The following FSIP2 variants were observed in gnomAD, a reference collection of about 807,000 sequenced individuals.
FSIP2 encodes the protein fibrous sheath interacting protein 2.
A neutral mutation model predicts 510.5 loss-of-function variants in FSIP2; 367 were observed. The observed-to-expected ratio is 0.72, with a 90% confidence interval of 0.66 to 0.78. The LOEUF (loss-of-function observed/expected upper bound fraction) is 0.78. FSIP2 is among the 30% of genes least tolerant of loss of function. The pLI is 0.00. For synonymous variants in FSIP2, 2,601 were observed against 2,732.2 expected (o/e 0.95, Z 1.50); for missense variants, 7,594 against 7,901.7 (o/e 0.96, Z 1.48).
intron 19 of FSIP2, 65 bp from the exon 20 acceptor site, chr2:185,824,369 C>A: frequency 9.4e-7 from 1 of 1,067,284 alleles, no homozygotes; most frequent in Non-Finnish European, 1.4e-6. Flanking sequence ...TGTTCTTTTG[C>A]TTAACCAGTA....
chr2:185,830,233 T>C (rs1235146447), intron 21 of FSIP2, among the ~76,000 whole-genome samples: 2 of 151,758 alleles, frequency 1.3e-5, no homozygotes, highest in Non-Finnish European at 2.9e-5. Context: ...CCAAAATGAC[T>C]CAACATACAA....
At chr2:185,830,128 A>AAAAC (rs150204469) in intron 21 of FSIP2, among the ~76,000 whole-genome samples, 1 of 151,916 alleles carries the variant, frequency 6.6e-6, no homozygotes, top group South Asian at 2.1e-4. Context: ...TTACCTACCA[A>AAAAC]AAACAAACAA....
intron 7 of FSIP2, among the ~76,000 whole-genome samples, chr2:185,751,576 TACATTTAGTGCGATTATTA>T: frequency 6.6e-6 from 1 of 151,178 alleles, no homozygotes; most frequent in Admixed American, 6.6e-5. Flanking sequence ...TTGTAGCATT[TACATTTAGTGCGATTATTA>T]ACATGATTAG....
Position 185,805,319 on chromosome 2 carries a change from T to C in FSIP2, c.16013T>C (p.Phe5338Ser). ...IKVLPNAEKM[F>S]SFPPIDKETV... ...GTTTTACCAAATGCTGAAAAAATGT[T>C]TTCTTTTCCACCAATTGATAAAGAG... Residue 5338 changes from phenylalanine (F) to serine (S), a missense_variant, in exon 17 of 23, where the codon TTT becomes TCT. Phe to Ser is a radical substitution (Grantham distance 155). Coordinates refer to ENST00000424728, the MANE Select transcript of FSIP2 (RefSeq NM_173651.4). 1 of 1,597,296 alleles carries C rather than the reference T, an allele frequency of 6.3e-7. No homozygotes were observed.
At chr2:185,739,611 G>C in intron 2 of FSIP2, 140 bp downstream of exon 2, 1 of 740,814 alleles carries the variant, frequency 1.3e-6, no homozygotes, top group Non-Finnish European at 2.0e-6. Flanking sequence ...CTGACCGAAG[G>C]TATTGTTTAG....
Position 185,808,127 on chromosome 2 carries a change from TA to T in FSIP2, c.18823del (p.Met6275TrpfsTer11), listed in dbSNP as rs753955704. 6.2e-7 allele frequency: 1 copy of T among 1,605,854 alleles called. No homozygotes were observed. The highest frequency in any genetic ancestry group is 8.5e-7 in the Non-Finnish European group (1 of 1,177,236). ...TCTTATACTTCTGTATTTAAAGATT[TA>T]ATGGGTAAAAGCAATGTCCTCTCTG... is the stretch of plus-strand genomic sequence containing the variant. ...SGSYTSVFKD[L>X]MGKSNVLSDT... On this transcript the variant is annotated frameshift_variant, in exon 17 of 23. Coordinates refer to ENST00000424728, the MANE Select transcript of FSIP2 (RefSeq NM_173651.4). LOFTEE classifies it high-confidence loss of function.
chr2:185,813,416 T>A (rs1693773991), intron 17 of FSIP2, 129 bp from the exon 18 acceptor site: 4 of 497,936 alleles, frequency 8.0e-6, no homozygotes, highest in Admixed American at 4.0e-5. Context: ...TAATATATAA[T>A]TAAGTGATAT....
rs754761620 is a variant in FSIP2, at chr2:185,805,230, T to A, written c.15924T>A (p.Ile5308=). ...AAAATGAAATGGCAGAGCTAGATAT[T>A]ATGGGCTTGGCTCTAAAACTTGCAA... is the stretch of plus-strand genomic sequence containing the variant. The part of the protein sequence containing the change: ...SKKNEMAELD[I]MGLALKLANS... Residue 5308 remains isoleucine (I), a synonymous_variant, in exon 17 of 23, where the codon ATT becomes ATA. Transcript: ENST00000424728. The A allele has an allele frequency of 2.6e-5, 41 of 1,599,372 alleles. No individual in the cohort carries two copies. Among genetic ancestry groups the A allele is most frequent in the Non-Finnish European group, 3.3e-5 (39 of 1,174,586 alleles).
At chr2:185,768,731 T>C (rs1429895043) in intron 13 of FSIP2, among the ~76,000 whole-genome samples, 2 of 152,156 alleles carry the variant, frequency 1.3e-5, no homozygotes, top group Non-Finnish European at 2.9e-5. Context: ...ATCACTCTGG[T>C]ACTAAGCCTA....
At position 185,805,991 on chromosome 2, in the gene FSIP2, A is replaced by G; in HGVS notation, c.16685A>G (p.Asn5562Ser). Residue 5562 changes from asparagine (N) to serine (S), a missense_variant, in exon 17 of 23, where the codon AAT becomes AGT. Physicochemically the swap from Asn to Ser is conservative, Grantham distance 46. Coordinates refer to ENST00000424728, the MANE Select transcript of FSIP2 (RefSeq NM_173651.4). The stretch of plus-strand genomic sequence containing the variant: ...AATTTGAGTGAAACATTTAATAATA[A>G]TGAAATTGAGAAGAAAAGAAATTTA... ...EPNLSETFNN[N>S]EIEKKRNLIP... is the part of the protein sequence containing the mutation. 2 of 1,559,206 alleles carry G rather than the reference A, an allele frequency of 1.3e-6. No homozygotes were observed. Among genetic ancestry groups the G allele is most frequent in the South Asian group, 2.4e-5 (2 of 81,988 alleles).
chr2:185,745,487 G>C lies in FSIP2; in HGVS notation c.536G>C (p.Cys179Ser). 1 of 1,534,534 alleles carries C rather than the reference G, an allele frequency of 6.5e-7. No homozygotes were observed. The highest frequency in any genetic ancestry group is 1.2e-5 in the South Asian group (1 of 84,012). ...IPENNQIPQH[C>S]DVAQVQNWLL... ...GAAAACAATCAAATCCCTCAACATT[G>C]TGATGTTGCACAAGTCCAAAACTGG... The change falls in exon 5 of 23, where the codon TGT (cysteine) becomes TCT (serine). Residue 179 changes from cysteine to serine, a missense_variant. Coordinates refer to ENST00000424728, the MANE Select transcript of FSIP2 (RefSeq NM_173651.4).
intron 13 of FSIP2, among the ~76,000 whole-genome samples, chr2:185,779,473 GATCT>G (rs1207958101): frequency 4.6e-5 from 7 of 152,026 alleles, no homozygotes; most frequent in African/African-American, 1.4e-4. Flanking sequence ...TTAATTGGGA[GATCT>G]ATCAATCACT....
chr2:185,749,592 G>A (rs1402682857), intron 7 of FSIP2, among the ~76,000 whole-genome samples: 2 of 151,622 alleles, frequency 1.3e-5, no homozygotes, highest in African/African-American at 4.8e-5. Context: ...GTGAATAAAG[G>A]GAGTTTTATT....
rs1693577613 is a variant in FSIP2, at chr2:185,806,369, T to C, written c.17063T>C (p.Val5688Ala). ...GTCATTGAAAATATTTTTGAAGATG[T>C]TTTAGAACTATCTTCTTCTCCAGAA... ...QNVIENIFED[V>A]LELSSSPEPA... The change falls in exon 17 of 23, where the codon GTT becomes GCT. Residue 5688 changes from valine (V) to alanine (A), a missense_variant. Transcript: ENST00000424728. 6.2e-7 allele frequency: 1 copy of C among 1,611,042 alleles called. No individual in the cohort carries two copies. Among genetic ancestry groups the C allele is most frequent in the Non-Finnish European group, 8.5e-7 (1 of 1,178,426 alleles).
chr2:185,777,797 G>T (rs1692759978), intron 13 of FSIP2, among the ~76,000 whole-genome samples: 1 of 151,992 alleles, frequency 6.6e-6, no homozygotes, highest in Admixed American at 6.6e-5. Context: ...TCTTGAGAGA[G>T]GTTGGGTTGT....
intron 19 of FSIP2, among the ~76,000 whole-genome samples, chr2:185,817,347 G>T (rs1693844643): frequency 6.6e-6 from 1 of 151,996 alleles, no homozygotes; most frequent in South Asian, 2.1e-4. Context: ...ACTACAGAGG[G>T]ACTGCAGAAC....
At chr2:185,773,840 G>A (rs1016351630) in intron 13 of FSIP2, among the ~76,000 whole-genome samples, 4 of 152,108 alleles carry the variant, frequency 2.6e-5, no homozygotes, top group African/African-American at 2.4e-5. Context: ...ATATCGGACA[G>A]TTTTACTGCT....
chr2:185,772,166 CACCATTTA>C (rs1389296731), intron 13 of FSIP2, among the ~76,000 whole-genome samples: 1 of 152,114 alleles, frequency 6.6e-6, no homozygotes, highest in African/African-American at 2.4e-5. Flanking sequence ...TTTCAGTCAC[CACCATTTA>C]ACCAGTCCCT....
chr2:185,765,818 C>T (rs1403787952), intron 13 of FSIP2: 1 of 151,648 alleles, frequency 6.6e-6, no homozygotes, highest in Non-Finnish European at 1.5e-5. Context: ...CTTTTATTTC[C>T]TTGAGCAGCG....
Sources: allele counts gnomAD v4.1 joint callset (sites outside exome capture counted in the v4.1 genomes callset), GRCh38; gene constraint gnomAD v4.1.1; transcripts MANE v1.5; gene names NCBI Gene and HGNC (gene_info 2026-07-23, HGNC 2026-07-21).